Variants in BOC observed in about 807,000 individuals in gnomAD.
BOC encodes brother of CDO.
In BOC, 76 loss-of-function variants were observed where a neutral mutation model predicts 112.0. That is an observed-to-expected ratio of 0.68 (90% CI 0.56 to 0.82). The LOEUF (loss-of-function observed/expected upper bound fraction) is 0.82, where lower values mean the gene tolerates loss of function less well. BOC is among the 40% of genes least tolerant of loss of function. The pLI, the probability that BOC is intolerant of heterozygous loss-of-function variation, is 0.00. For missense variants in BOC, 1,309 were observed against 1,511.7 expected (o/e 0.87, Z 2.22); for synonymous variants, 580 against 599.8 (o/e 0.97, Z 0.48).
intron 9 of BOC, among the ~76,000 whole-genome samples, chr3:113,275,114 G>C (rs1199383732): frequency 6.6e-6 from 1 of 152,214 alleles, no homozygotes; most frequent in Admixed American, 6.5e-5. Flanking sequence ...ACCCTGGCAT[G>C]GTAAGCCAGC....
Position 113,272,423 on chromosome 3 carries a change from G to C in BOC, c.681G>C (p.Glu227Asp), listed in dbSNP as rs776155134. The stretch of plus-strand genomic sequence containing the variant: ...TTGCCCCTCCAGGCTCCACCGCTGA[G>C]GCTGCCCGCATCATCTACCCCCCAG... ...DRLRVRRSTA[E>D]AARIIYPPEA... is the part of the protein sequence containing the mutation. The change falls in exon 7 of 20, where the codon GAG (glutamate) becomes GAC (aspartate). Residue 227 changes from glutamate to aspartate, a missense_variant. Physicochemically the swap from Glu to Asp is conservative, Grantham distance 45. Transcript: ENST00000682979. 2 of 1,613,534 alleles carry C rather than the reference G, an allele frequency of 1.2e-6. No homozygotes were observed. Among genetic ancestry groups the C allele is most frequent in the South Asian group, 2.2e-5 (2 of 91,070 alleles).
intron 2 of BOC, among the ~76,000 whole-genome samples, chr3:113,243,017 T>G (rs1026212327): frequency 6.6e-6 from 1 of 152,214 alleles, no homozygotes; most frequent in Non-Finnish European, 1.5e-5. Flanking sequence ...GGTTGTCATG[T>G]GTCACAACAG....
intron 4 of BOC, among the ~76,000 whole-genome samples, chr3:113,257,661 C>T (rs1202099805): frequency 7.0e-6 from 1 of 143,158 alleles, no homozygotes; most frequent in East Asian, 1.9e-4. Flanking sequence ...AATAATTTAT[C>T]TTTCATTTCC....
rs753708205 is a variant in BOC, at chr3:113,279,983, C to A, written c.2183C>A (p.Thr728Asn). The change falls in exon 13 of 20, where the codon ACC (threonine) becomes AAC (asparagine). Residue 728 changes from threonine to asparagine, a missense_variant. Physicochemically the swap from Thr to Asn is moderately conservative, Grantham distance 65. Coordinates refer to ENST00000682979, the MANE Select transcript of BOC (RefSeq NM_001378074.1). ...ACCTTCACGGATGCGGTCAATGAGA[C>A]CACCATCATGCTCAAGTGGATGGTA... ...YITFTDAVNE[T>N]TIMLKWMYIP... The A allele has an allele frequency of 7.4e-6, 12 of 1,610,770 alleles. No homozygotes were observed. Among genetic ancestry groups the A allele is most frequent in the Non-Finnish European group, 1.0e-5 (12 of 1,178,298 alleles).
chr3:113,236,541 G>A (rs1212376717), intron 2 of BOC, among the ~76,000 whole-genome samples: 1 of 151,324 alleles, frequency 6.6e-6, no homozygotes, highest in Non-Finnish European at 1.5e-5. Context: ...AGAGGGTGAG[G>A]GATGAGAAAT....
At chr3:113,267,107 G>T (rs755879165) in intron 4 of BOC, among the ~76,000 whole-genome samples, 1 of 152,142 alleles carries the variant, frequency 6.6e-6, no homozygotes, top group Non-Finnish European at 1.5e-5. Context: ...GCCAGTATTC[G>T]GAGAAGGTGC....
intron 2 of BOC, among the ~76,000 whole-genome samples, chr3:113,239,554 A>G (rs1344924803): frequency 6.6e-6 from 1 of 152,236 alleles, no homozygotes; most frequent in African/African-American, 2.4e-5. Context: ...GGCTCCTTCC[A>G]TGTCACATAC....
chr3:113,236,421 G>A, intron 2 of BOC, among the ~76,000 whole-genome samples: 1 of 139,012 alleles, frequency 7.2e-6, no homozygotes, highest in Non-Finnish European at 1.6e-5. Flanking sequence ...GAAACAAAAA[G>A]CCAAATACCA....
At chr3:113,219,516 A>G (rs188457076) in intron 2 of BOC, among the ~76,000 whole-genome samples, 51 of 152,368 alleles carry the variant, frequency 3.3e-4, no homozygotes, top group African/African-American at 1.1e-3. Context: ...CAGCTGGTAA[A>G]TGGCAGAGCC....
At chr3:113,273,616 T>C (rs566322186) in intron 8 of BOC, among the ~76,000 whole-genome samples, 1 of 152,288 alleles carries the variant, frequency 6.6e-6, no homozygotes, top group Non-Finnish European at 1.5e-5. Flanking sequence ...TCTGTCCTTC[T>C]CAGCAAGCTT....
intron 4 of BOC, among the ~76,000 whole-genome samples, chr3:113,253,423 A>T (rs896225945): frequency 6.6e-6 from 1 of 151,664 alleles, no homozygotes; most frequent in African/African-American, 2.4e-5. Flanking sequence ...TTTTTAAAAA[A>T]ATAGCCAGGC....
chr3:113,265,502 G>C (rs1466880975), intron 4 of BOC, among the ~76,000 whole-genome samples: 1 of 152,202 alleles, frequency 6.6e-6, no homozygotes, highest in East Asian at 1.9e-4. Flanking sequence ...AGCTCGCTTT[G>C]TGGGGAGCCT....
intron 14 of BOC, 97 bp from the exon 15 acceptor site, chr3:113,280,933 TC>T: frequency 6.6e-7 from 1 of 1,506,630 alleles, no homozygotes. Flanking sequence ...AGTGGCATCC[TC>T]CCCCACACAC....
intron 4 of BOC, among the ~76,000 whole-genome samples, chr3:113,265,086 T>C (rs1947323478): frequency 6.6e-6 from 1 of 152,290 alleles, no homozygotes; most frequent in South Asian, 2.1e-4. Context: ...TGTCAGAGGG[T>C]GCAGCAGGAG....
chr3:113,287,247 C>T lies in BOC; in HGVS notation c.*385C>T, dbSNP rs765865194. 94 of 351,380 alleles carry T rather than the reference C, an allele frequency of 2.7e-4. No homozygotes were observed. Among genetic ancestry groups the T allele is most frequent in the Admixed American group, 5.3e-4 (13 of 24,700 alleles). The allele number at this position is 351,380 out of a possible 1,614,324, so 21.8% of individuals were successfully genotyped here. A position where few individuals can be genotyped will look rare whatever the true frequency, so the allele number is the denominator to read the frequency against. ...GAGCATGAGGGAACAGCAAGGGGCA[C>T]GGTATCACAGCCTGGAGACACCCAC... On this transcript the variant is annotated 3_prime_UTR_variant, in exon 20 of 20. Coordinates refer to ENST00000682979, the MANE Select transcript of BOC (RefSeq NM_001378074.1).
At chr3:113,221,862 C>G (rs939755600) in intron 2 of BOC, among the ~76,000 whole-genome samples, 8 of 152,168 alleles carry the variant, frequency 5.3e-5, no homozygotes, top group Non-Finnish European at 1.2e-4. Context: ...CACCCCTTCC[C>G]TCTGAGGCCT....
In BOC at chr3:113,274,281, T is replaced by G; in HGVS notation, c.1235-94T>G. The G allele has an allele frequency of 7.7e-7, 1 of 1,297,394 alleles. No homozygotes were observed. The highest frequency in any genetic ancestry group is 1.0e-6 in the Non-Finnish European group (1 of 970,134). 80.4% of individuals were successfully genotyped at this position (1,297,394 alleles called of 1,614,324 possible). On this transcript the variant is annotated intron_variant, in intron 8 of 19. Transcript: ENST00000682979. The surrounding 1 kb of genome is among the most constrained non-coding windows in gnomAD (Gnocchi z 4.8). ...CAGCTGATGGTGGGCCCAGGTTGCCTCTCTGTCTTCTTTCTGTTTTCTCCC... is the reference window on the plus strand; with the variant it reads ...CAGCTGATGGTGGGCCCAGGTTGCCGCTCTGTCTTCTTTCTGTTTTCTCCC...
At chr3:113,258,941 A>T (rs574609075) in intron 4 of BOC, among the ~76,000 whole-genome samples, 1 of 152,362 alleles carries the variant, frequency 6.6e-6, no homozygotes, top group South Asian at 2.1e-4. Context: ...TAGCTTTAGG[A>T]CAAAGTTACA....
chr3:113,287,105 G>C lies in BOC; in HGVS notation c.*243G>C, dbSNP rs2399476. ...AACAGGAGTCACCCAGGAAAGCACC[G>C]CACAGGCTGGCGCGGGACAGACTCC... On this transcript the variant is annotated 3_prime_UTR_variant, in exon 20 of 20. Transcript: ENST00000682979. 1 of 523,330 alleles carries C rather than the reference G, an allele frequency of 1.9e-6. No individual in the cohort carries two copies. Among genetic ancestry groups the C allele is most frequent in the East Asian group, 5.1e-5 (1 of 19,524 alleles). The allele number at this position is 523,330 out of a possible 1,614,324, so 32.4% of individuals were successfully genotyped here.
Sources: allele counts gnomAD v4.1 joint callset (sites outside exome capture counted in the v4.1 genomes callset), GRCh38; gene constraint gnomAD v4.1.1; non-coding constraint Gnocchi (gnomAD v3.1); transcripts MANE v1.5; gene names NCBI Gene and HGNC (gene_info 2026-07-23, HGNC 2026-07-21).